The following DPPA4 variants were observed in gnomAD, a reference collection of about 807,000 sequenced individuals.
The protein encoded by DPPA4 is developmental pluripotency associated 4.
In DPPA4, 22 loss-of-function variants were observed where a neutral mutation model predicts 33.7. That is an observed-to-expected ratio of 0.65 (90% CI 0.47 to 0.93). The LOEUF (loss-of-function observed/expected upper bound fraction) is 0.93, where lower values mean the gene tolerates loss of function less well. Ranked by LOEUF, DPPA4 falls within the 40% of genes least tolerant of loss-of-function variation. The pLI is 0.00. For missense variants in DPPA4, 340 were observed against 358.6 expected, an observed-to-expected ratio of 0.95 and a Z score of 0.42; for synonymous variants, 156 against 132.3, an observed-to-expected ratio of 1.18 and a Z score of -1.23.
chr3:109,336,450 T>C (rs1352164741), intron 1 of DPPA4: 1 of 152,106 alleles, frequency 6.6e-6, no homozygotes, highest in Non-Finnish European at 1.5e-5. Flanking sequence ...CTTCCTTCAG[T>C]TTCTGTCTGC....
At position 109,326,691 on chromosome 3, in the gene DPPA4, TTTAGGAAG is replaced by T. The variant is rs1707942480; in HGVS notation, c.*1289_*1296del. ...GTTCCCAGACTCGCAGGACTATAAG[TTTAGGAAG>T]TACACAAAAAAATTAAAAATTAATT... On this transcript the variant is annotated 3_prime_UTR_variant, in exon 7 of 7. Transcript: ENST00000335658. 6.6e-6 allele frequency: 1 copy of T among 152,198 alleles called. No individual in the cohort carries two copies. Among genetic ancestry groups the T allele is most frequent in the South Asian group, 2.1e-4 (1 of 4,830 alleles). The allele number at this position is 152,198 out of a possible 1,614,324, so 9.4% of individuals were successfully genotyped here. A position where few individuals can be genotyped will look rare whatever the true frequency, so the allele number is the denominator to read the frequency against.
At position 109,327,284 on chromosome 3, in the gene DPPA4, A is replaced by G. The variant is rs1206444790; in HGVS notation, c.*704T>C. 6.6e-6 allele frequency: 1 copy of G among 152,222 alleles called. No individual in the cohort carries two copies. Among genetic ancestry groups the G allele is most frequent in the Non-Finnish European group, 1.5e-5 (1 of 68,044 alleles). The allele number at this position is 152,222 out of a possible 1,614,324, so 9.4% of individuals were successfully genotyped here. A position where few individuals can be genotyped will look rare whatever the true frequency, so the allele number is the denominator to read the frequency against. ...ATTGGAATGAAGCAGCTCCTAAAGT[A>G]GTCAGTGTTCAGAGGAAGAGAAAAT... On this transcript the variant is annotated 3_prime_UTR_variant, in exon 7 of 7. Coordinates refer to ENST00000335658, the MANE Select transcript of DPPA4 (RefSeq NM_018189.4).
chr3:109,333,484 A>G (rs1387830465), intron 2 of DPPA4: 1 of 200,636 alleles, frequency 5.0e-6, no homozygotes, highest in African/African-American at 2.4e-5. Flanking sequence ...TTAACACTCC[A>G]TTCCCACCGC....
chr3:109,332,107 T>C, intron 2 of DPPA4, 76 bp from the exon 3 acceptor site: 1 of 1,354,792 alleles, frequency 7.4e-7, no homozygotes, highest in East Asian at 2.3e-5. Context: ...AAAATCACTT[T>C]TTTTTTCTTT....
intron 2 of DPPA4, 199 bp downstream of exon 2, chr3:109,333,671 A>G (rs1448178322): frequency 2.2e-6 from 1 of 449,038 alleles, no homozygotes; most frequent in Non-Finnish European, 3.9e-6. Flanking sequence ...TGGAAGTCTG[A>G]AGATAGGAAG....
Position 109,327,679 on chromosome 3 carries a change from A to C in DPPA4, c.*309T>G. On this transcript the variant is annotated 3_prime_UTR_variant, in exon 7 of 7. Transcript: ENST00000335658. ...TGAGACACTGTCTCAAAATACAACA[A>C]AAAAAAGCTGCTGCTGAAGTCATGT... The C allele has an allele frequency of 3.9e-6, 1 of 253,964 alleles. No homozygotes were observed. Among genetic ancestry groups the C allele is most frequent in the Non-Finnish European group, 7.5e-6 (1 of 133,936 alleles). 15.7% of individuals were successfully genotyped at this position (253,964 alleles called of 1,614,324 possible). A position where few individuals can be genotyped will look rare whatever the true frequency, so the allele number is the denominator to read the frequency against.
rs201703878 is a variant in DPPA4, at chr3:109,330,736, G to A, written c.467C>T (p.Thr156Met). 1.9e-5 allele frequency: 30 copies of A among 1,613,936 alleles called. No individual in the cohort carries two copies. The highest frequency in any genetic ancestry group is 4.5e-5 in the East Asian group (2 of 44,892). Residue 156 changes from threonine to methionine, a missense_variant, in exon 5 of 7, where the codon ACG (threonine) becomes ATG (methionine). By Grantham distance (81) the Thr-to-Met change is moderately conservative (BLOSUM62 -1). This residue lies in a region of DPPA4 where 212 missense variants were observed against 206.5 expected (regional missense o/e 1.03). Transcript: ENST00000335658. Reference protein sequence around the residue: ...QKKLKVEKGETSLQSSETHPP... With the variant: ...QKKLKVEKGEMSLQSSETHPP... ...ATGTGTCTCAGAACTTTGCAGGGAC[G>A]TTTCCCCCTTTTCCACCTTTAATTT... is the stretch of plus-strand genomic sequence containing the variant.
intron 1 of DPPA4, among the ~76,000 whole-genome samples, chr3:109,334,740 C>G (rs760778375): frequency 2.0e-5 from 3 of 152,134 alleles, no homozygotes; most frequent in Non-Finnish European, 4.4e-5. Context: ...CTCTTATCTC[C>G]TATTTCACAC....
In DPPA4 at chr3:109,331,260, CAAAAAAAAAAA is replaced by C. The variant is rs10593582; in HGVS notation, c.391-459_391-449del. Among the ~76,000 whole-genome samples the C allele has an allele frequency of 2.8e-3, 166 of 58,428 alleles. 3 individuals are homozygous for C. The highest frequency in any genetic ancestry group is 0.012 in the African/African-American group (155 of 13,220). 38.3% of individuals were successfully genotyped at this position (58,428 alleles called of 152,430 possible). A position where few individuals can be genotyped will look rare whatever the true frequency, so the allele number is the denominator to read the frequency against. ...TAAGTGACAGAGGGAGACTCTGTCTCAAAAAAAAAAAAAAAAAAAAAAAAGAAAGAAAAGAA... is the reference window on the plus strand; with the variant it reads ...TAAGTGACAGAGGGAGACTCTGTCTCAAAAAAAAAAAAAGAAAGAAAAGAA... On this transcript the variant is annotated intron_variant, in intron 4 of 6. Coordinates refer to ENST00000335658, the MANE Select transcript of DPPA4 (RefSeq NM_018189.4).
intron 4 of DPPA4, among the ~76,000 whole-genome samples, 185 bp downstream of exon 4, chr3:109,331,543 CAAAAAA>C (rs62827961): frequency 8.4e-5 from 6 of 71,472 alleles, no homozygotes; most frequent in African/African-American, 3.3e-4. Context: ...GACTCTGTCT[CAAAAAA>C]AAAAAAAAAA....
chr3:109,332,565 A>G (rs926134822), intron 2 of DPPA4, among the ~76,000 whole-genome samples: 1 of 152,122 alleles, frequency 6.6e-6, no homozygotes, highest in African/African-American at 2.4e-5. Context: ...TTGCACTTCC[A>G]TCCCAGGGGA....
Position 109,327,997 on chromosome 3 carries a change from T to C in DPPA4, c.906A>G (p.Gln302=), listed in dbSNP as rs756934195. The C allele has an allele frequency of 9.1e-6, 14 of 1,544,142 alleles. No individual in the cohort carries two copies. Among genetic ancestry groups the C allele is most frequent in the South Asian group, 8.9e-5 (8 of 89,476 alleles). Reference sequence around the variant, plus strand: ...CCTTTTTCCTGATATTCTATTCCCATTGGAGGCTTTTTATTAAGACCTTGT... The same window carrying C: ...CCTTTTTCCTGATATTCTATTCCCACTGGAGGCTTTTTATTAAGACCTTGT... The part of the protein sequence containing the change: ...HRNKVLIKSL[Q]WE Residue 302 remains glutamine, a synonymous_variant, in exon 7 of 7, where the codon CAA becomes CAG. Coordinates refer to ENST00000335658, the MANE Select transcript of DPPA4 (RefSeq NM_018189.4).
At chr3:109,328,533 A>G (rs56030029) in intron 6 of DPPA4, among the ~76,000 whole-genome samples, 9,122 of 152,174 alleles carry the variant, frequency 0.06, 836 homozygotes, top group African/African-American at 0.2. Flanking sequence ...GATATTCATC[A>G]TGTTATTCTA....
intron 1 of DPPA4, among the ~76,000 whole-genome samples, chr3:109,335,535 T>C (rs1284490750): frequency 6.6e-6 from 1 of 151,906 alleles, no homozygotes; most frequent in East Asian, 1.9e-4. Context: ...TTTAAGCAAT[T>C]CTCTGCCTCA....
In DPPA4 at chr3:109,331,723, TA is replaced by T; in HGVS notation, c.390+10del. 1 of 1,613,464 alleles carries T rather than the reference TA, an allele frequency of 6.2e-7. No individual in the cohort carries two copies. Among genetic ancestry groups the T allele is most frequent in the East Asian group, 2.2e-5 (1 of 44,874 alleles). ...GATAAGCATTGAAACGTCCATCCTT[TA>T]AAAAGTTACCTTTTGATTTGGGTAG... On this transcript the variant is annotated intron_variant, in intron 4 of 6. Coordinates refer to ENST00000335658, the MANE Select transcript of DPPA4 (RefSeq NM_018189.4).
rs1707940857 is a variant in DPPA4 at position 109,326,623 on chromosome 3, G to A, written c.*1365C>T. 3 of 152,022 alleles carry A rather than the reference G, an allele frequency of 2.0e-5. No individual in the cohort carries two copies. The highest frequency in any genetic ancestry group is 4.4e-5 in the Non-Finnish European group (3 of 68,026). The allele number at this position is 152,022 out of a possible 1,614,324, so 9.4% of individuals were successfully genotyped here. A position where few individuals can be genotyped will look rare whatever the true frequency, so the allele number is the denominator to read the frequency against. On this transcript the variant is annotated 3_prime_UTR_variant, in exon 7 of 7. Transcript: ENST00000335658. Reference sequence around the variant, plus strand: ...CCCCTACTTGTAATAACAAAACAATGTTGGAAACTGTCATTAAATCAGGAT... The same window carrying A: ...CCCCTACTTGTAATAACAAAACAATATTGGAAACTGTCATTAAATCAGGAT...
intron 5 of DPPA4, chr3:109,329,320 G>C: frequency 2.1e-6 from 1 of 474,664 alleles, no homozygotes; most frequent in Non-Finnish European, 3.8e-6. Context: ...TGGATCACGA[G>C]GTCAGGAGAT....
Position 109,328,950 on chromosome 3 carries a change from G to A in DPPA4, c.818C>T (p.Ala273Val). ...AAGGTGCGGGGGTGGAAAATTGGAG[G>A]CAGGAAGCAAGAAGAGTGCACTCAC... ...GRVSALFLLP[A>V]SNFPPPHLED... Residue 273 changes from alanine (A) to valine (V), a missense_variant, in exon 6 of 7, where the codon GCC becomes GTC. Physicochemically the swap from Ala to Val is moderately conservative, Grantham distance 64. Around this residue, in one of 3 missense-constraint regions of DPPA4, gnomAD observed 212 missense variants for 206.5 expected, o/e 1.03. Coordinates refer to ENST00000335658, the MANE Select transcript of DPPA4 (RefSeq NM_018189.4). 1 of 1,614,012 alleles carries A rather than the reference G, an allele frequency of 6.2e-7. No individual in the cohort carries two copies. The highest frequency in any genetic ancestry group is 2.2e-5 in the East Asian group (1 of 44,866).
chr3:109,333,369 A>C (rs6770591), intron 2 of DPPA4: 60,242 of 143,706 alleles, frequency 0.42, 14,224 homozygotes, highest in East Asian at 0.72. Context: ...AAAAAAAAAA[A>C]AAAAAAAAAA....
Sources: gnomAD v4.1 joint callset for allele counts (sites outside exome capture counted in the v4.1 genomes callset) on GRCh38, gnomAD v4.1.1 for gene constraint, gnomAD v4.1.1 regional missense constraint, MANE v1.5 for transcripts, NCBI Gene and HGNC (gene_info 2026-07-23, HGNC 2026-07-21) for gene names.